The following GLUD1 variants were observed in gnomAD, a reference collection of about 807,000 sequenced individuals.
The protein encoded by GLUD1 is glutamate dehydrogenase 1, mitochondrial.
Under a neutral mutation model 56.0 loss-of-function variants are expected in GLUD1, and 22 were observed. The ratio of observed to expected loss-of-function variants is 0.39; its 90% CI spans 0.28 to 0.56. The LOEUF is 0.56. GLUD1 is among the 20% of genes least tolerant of loss of function. The pLI is 0.58. For missense variants in GLUD1, 451 were observed against 732.0 expected (o/e 0.62, Z 4.43); for synonymous variants, 223 against 269.9 (o/e 0.83, Z 1.70).
chr10:87,065,658 T>C (rs182620884), intron 5 of GLUD1, among the ~76,000 whole-genome samples: 1 of 152,260 alleles, frequency 6.6e-6, no homozygotes, highest in African/African-American at 2.4e-5. Context: ...ACCACAATTA[T>C]TTGAAGGGTC....
intron 11 of GLUD1, among the ~76,000 whole-genome samples, chr10:87,053,779 C>T (rs982154453): frequency 3.3e-5 from 5 of 152,106 alleles, no homozygotes; most frequent in South Asian, 2.1e-4. Context: ...ACGGTGCGTT[C>T]GCCTCAGCTC....
At chr10:87,066,900 TAC>T (rs1846091323) in intron 5 of GLUD1, among the ~76,000 whole-genome samples, 1 of 152,232 alleles carries the variant, frequency 6.6e-6, no homozygotes, top group Non-Finnish European at 1.5e-5. Flanking sequence ...AGTTCTGTGG[TAC>T]TACCTCTGCT....
chr10:87,074,663 G>T (rs539127252), intron 3 of GLUD1, 49 bp from the exon 4 acceptor site: 3 of 1,031,272 alleles, frequency 2.9e-6, no homozygotes, highest in Admixed American at 1.7e-5. Context: ...TATAAAAATC[G>T]CTTGAGATTA....
At chr10:87,077,035 A>C (rs1287570176) in intron 1 of GLUD1, among the ~76,000 whole-genome samples, 3 of 152,106 alleles carry the variant, frequency 2.0e-5, no homozygotes, top group African/African-American at 7.2e-5. Context: ...GGTGGGAAAC[A>C]GGGTCTTGCT....
chr10:87,085,268 C>T (rs888312370), intron 1 of GLUD1, among the ~76,000 whole-genome samples: 5 of 150,794 alleles, frequency 3.3e-5, no homozygotes, highest in African/African-American at 1.2e-4. Flanking sequence ...ATCGCTTAAA[C>T]CTGGGAGACC....
At chr10:87,085,791 T>C (rs1841368065) in intron 1 of GLUD1, among the ~76,000 whole-genome samples, 1 of 152,204 alleles carries the variant, frequency 6.6e-6, no homozygotes, top group Non-Finnish European at 1.5e-5. Flanking sequence ...CATACAGCTT[T>C]GTTTTGTGTT....
intron 1 of GLUD1, chr10:87,089,694 C>T: frequency 1.0e-6 from 1 of 981,318 alleles, no homozygotes; most frequent in Non-Finnish European, 1.2e-6. Context: ...TCTTCTTGTC[C>T]TTAATAAAGC....
intron 1 of GLUD1, among the ~76,000 whole-genome samples, chr10:87,079,662 A>G (rs1841152284): frequency 6.6e-6 from 1 of 152,156 alleles, no homozygotes; most frequent in African/African-American, 2.4e-5. Flanking sequence ...TGCGAGGAAC[A>G]TCGCACATGG....
chr10:87,060,641 G>A lies in GLUD1; in HGVS notation c.1197+47C>T, dbSNP rs762241303. On this transcript the variant is annotated intron_variant, in intron 8 of 12. Transcript: ENST00000277865. ...CAGACTCTTCTATGACCCCCCTAAC[G>A]TCATTCACATTGATAATGTTGGTTC... 8.7e-6 allele frequency: 14 copies of A among 1,611,250 alleles called. No homozygotes were observed. In the East Asian group the frequency reaches 1.3e-4, roughly 15 times the overall value.
chr10:87,093,848 G>T (rs1841615391), intron 1 of GLUD1: 1 of 1,102,592 alleles, frequency 9.1e-7, no homozygotes, highest in Non-Finnish European at 1.2e-6. Flanking sequence ...CATTTTCTAT[G>T]TTCGGATATC....
intron 3 of GLUD1, 106 bp downstream of exon 3, chr10:87,075,862 C>G: frequency 2.4e-6 from 2 of 818,966 alleles, no homozygotes; most frequent in Non-Finnish European, 4.2e-6. Context: ...TGCAGTGAGC[C>G]AAGATTGCGC....
At chr10:87,064,203 G>A (rs1156487211) in intron 5 of GLUD1, among the ~76,000 whole-genome samples, 3 of 152,040 alleles carry the variant, frequency 2.0e-5, no homozygotes, top group South Asian at 2.1e-4. Flanking sequence ...GTGAGCCACC[G>A]CGCCTGGCCT....
chr10:87,094,117 G>C lies in GLUD1; in HGVS notation c.445+208C>G. ...GCCCGGGGTGACGGCGCGGGGGAGG[G>C]GGCAGGCCAATCGCATGATGATTTT... On this transcript the variant is annotated intron_variant, in intron 1 of 12. Coordinates refer to ENST00000277865, the MANE Select transcript of GLUD1 (RefSeq NM_005271.5). The surrounding 1 kb of genome is among the most constrained non-coding windows in gnomAD (Gnocchi z 6.6). 2.0e-6 allele frequency: 3 copies of C among 1,486,840 alleles called. No homozygotes were observed. The South Asian group carries it at 3.7e-5, about 19-fold the overall frequency. 92.1% of individuals were successfully genotyped at this position (1,486,840 alleles called of 1,614,324 possible). A position where few individuals can be genotyped will look rare whatever the true frequency, so the allele number is the denominator to read the frequency against.
At chr10:87,053,651 A>G (rs1845695631) in intron 11 of GLUD1, among the ~76,000 whole-genome samples, 1 of 152,240 alleles carries the variant, frequency 6.6e-6, no homozygotes. Context: ...AAATAAGATT[A>G]TAGTACAACA....
intron 1 of GLUD1, among the ~76,000 whole-genome samples, chr10:87,081,264 C>T (rs1841242222): frequency 6.7e-6 from 1 of 150,068 alleles, no homozygotes; most frequent in South Asian, 2.1e-4. Context: ...GCCTGGCTGC[C>T]CCTACTGGGA....
At chr10:87,062,041 C>T (rs1403639529) in intron 6 of GLUD1, among the ~76,000 whole-genome samples, 3 of 152,138 alleles carry the variant, frequency 2.0e-5, no homozygotes, top group African/African-American at 2.4e-5. Flanking sequence ...CTTGGCCTCC[C>T]AAAGTGATGG....
At chr10:87,071,146 A>T (rs1846227939) in intron 4 of GLUD1, among the ~76,000 whole-genome samples, 1 of 151,980 alleles carries the variant, frequency 6.6e-6, no homozygotes, top group Non-Finnish European at 1.5e-5. Flanking sequence ...AAACAAAAAC[A>T]AAAAACAAGT....
intron 10 of GLUD1, among the ~76,000 whole-genome samples, chr10:87,058,335 G>A (rs1227672026): frequency 1.3e-5 from 2 of 152,082 alleles, no homozygotes; most frequent in African/African-American, 4.8e-5. Context: ...AGAAAACGCT[G>A]GGGGAAAAAG....
In GLUD1 at chr10:87,062,655, C is replaced by T; in HGVS notation, c.921+1G>A. 6.2e-7 allele frequency: 1 copy of T among 1,611,982 alleles called. No individual in the cohort carries two copies. On this transcript the variant is annotated splice_donor_variant, in intron 6 of 12. Transcript: ENST00000277865. LOFTEE classifies it high-confidence loss of function. Reference sequence around the variant, plus strand: ...GAAACTTTTTTTGTTTTTGTTTTTACCTGAACAACAAATGTTTTATCTCCA... The same window carrying T: ...GAAACTTTTTTTGTTTTTGTTTTTATCTGAACAACAAATGTTTTATCTCCA...
Sources: allele counts gnomAD v4.1 joint callset (sites outside exome capture counted in the v4.1 genomes callset), GRCh38; gene constraint gnomAD v4.1.1; non-coding constraint Gnocchi (gnomAD v3.1); transcripts MANE v1.5; gene names NCBI Gene and HGNC (gene_info 2026-07-23, HGNC 2026-07-21).